The following TMEFF1 variants were observed in gnomAD, a reference collection of about 807,000 sequenced individuals.
The protein encoded by TMEFF1 is transmembrane protein with EGF like and two follistatin like domains 1.
TMEFF1 carries 20 observed loss-of-function variants against 47.5 expected under a neutral mutation model. The ratio of observed to expected loss-of-function variants is 0.42; its 90% CI spans 0.30 to 0.61. TMEFF1 has a LOEUF of 0.61. TMEFF1 is among the 20% of genes least tolerant of loss of function. The probability of loss-of-function intolerance (pLI) is 0.19; values close to 1 mark genes in which losing one functional copy is unlikely to be tolerated. For missense variants in TMEFF1, 411 were observed against 471.1 expected (o/e 0.87, Z 1.18); for synonymous variants, 162 against 166.3 (o/e 0.97, Z 0.20).
intron 5 of TMEFF1, among the ~76,000 whole-genome samples, chr9:100,527,719 C>G (rs36007324): frequency 3.3e-5 from 5 of 151,984 alleles, no homozygotes; most frequent in African/African-American, 9.7e-5. Context: ...CCGGGAAGCT[C>G]GAACTGGGTG....
intron 1 of TMEFF1, among the ~76,000 whole-genome samples, chr9:100,497,084 A>T (rs534754373): frequency 3.9e-5 from 6 of 152,122 alleles, no homozygotes; most frequent in Non-Finnish European, 8.8e-5. Flanking sequence ...GTGTGGGTAG[A>T]TAGGGGGAAA....
intron 1 of TMEFF1, among the ~76,000 whole-genome samples, chr9:100,488,460 A>G (rs1837490080): frequency 1.3e-5 from 2 of 152,240 alleles, no homozygotes; most frequent in Non-Finnish European, 2.9e-5. Context: ...AAGGATAAAG[A>G]CAATTAAAAT....
At chr9:100,571,332 T>C (rs570657849) in intron 8 of TMEFF1, among the ~76,000 whole-genome samples, 10 of 150,142 alleles carry the variant, frequency 6.7e-5, no homozygotes, top group Admixed American at 2.7e-4. Context: ...TTGTGAAAAA[T>C]TGAAAATAAC....
chr9:100,531,643 G>A (rs1027201461), intron 5 of TMEFF1, among the ~76,000 whole-genome samples: 19 of 151,960 alleles, frequency 1.3e-4, no homozygotes, highest in Admixed American at 4.6e-4. Flanking sequence ...AATCAATATC[G>A]TGAAAATGGC....
intron 5 of TMEFF1, among the ~76,000 whole-genome samples, chr9:100,539,708 T>G (rs1302031434): frequency 2.6e-5 from 4 of 152,114 alleles, no homozygotes; most frequent in Non-Finnish European, 5.9e-5. Flanking sequence ...AGAACAAAGC[T>G]TCCACAGCGT....
At chr9:100,548,046 T>C (rs542221927) in intron 6 of TMEFF1, among the ~76,000 whole-genome samples, 154 bp downstream of exon 6, 1 of 152,218 alleles carries the variant, frequency 6.6e-6, no homozygotes, top group African/African-American at 2.4e-5. Flanking sequence ...TTATTACTAA[T>C]TTAGTTTTTT....
At chr9:100,549,257 A>G (rs183004325) in intron 6 of TMEFF1, among the ~76,000 whole-genome samples, 4 of 152,288 alleles carry the variant, frequency 2.6e-5, no homozygotes, top group Non-Finnish European at 4.4e-5. Flanking sequence ...AAAAGGAGGA[A>G]GAGAGAACAA....
intron 1 of TMEFF1, among the ~76,000 whole-genome samples, chr9:100,481,431 G>A (rs1361560694): frequency 6.6e-6 from 1 of 152,152 alleles, no homozygotes; most frequent in Non-Finnish European, 1.5e-5. Flanking sequence ...TCTTAGGAAG[G>A]GTATTCTAGG....
chr9:100,498,705 A>G, intron 1 of TMEFF1, 60 bp from the exon 2 acceptor site: 1 of 1,520,690 alleles, frequency 6.6e-7, no homozygotes, highest in Non-Finnish European at 9.1e-7. Context: ...ACACGCGCAC[A>G]GACACACACA....
At chr9:100,492,607 G>A (rs1228534331) in intron 1 of TMEFF1, among the ~76,000 whole-genome samples, 7 of 152,186 alleles carry the variant, frequency 4.6e-5, no homozygotes, top group African/African-American at 7.2e-5. Context: ...AGTTCTAAGA[G>A]TGTTATTGAC....
intron 1 of TMEFF1, among the ~76,000 whole-genome samples, chr9:100,489,253 G>A (rs1008179693): frequency 2.0e-5 from 3 of 151,852 alleles, no homozygotes; most frequent in Non-Finnish European, 4.4e-5. Flanking sequence ...CTGTTCCCAG[G>A]CTGGAGTGTG....
At chr9:100,535,727 G>A (rs755665068) in intron 5 of TMEFF1, among the ~76,000 whole-genome samples, 2 of 152,240 alleles carry the variant, frequency 1.3e-5, no homozygotes, top group Non-Finnish European at 2.9e-5. Context: ...TTGTGCCACT[G>A]CACTCCAGCC....
At chr9:100,485,769 C>T (rs1266086336) in intron 1 of TMEFF1, among the ~76,000 whole-genome samples, 1 of 152,178 alleles carries the variant, frequency 6.6e-6, no homozygotes, top group Non-Finnish European at 1.5e-5. Flanking sequence ...GCTTGGCATA[C>T]TTCTCATGTA....
intron 6 of TMEFF1, among the ~76,000 whole-genome samples, chr9:100,548,172 TATC>T (rs1292947209): frequency 1.3e-5 from 2 of 152,160 alleles, no homozygotes; most frequent in Non-Finnish European, 2.9e-5. Context: ...ATAGTTCTAA[TATC>T]ATCTCAAATT....
At chr9:100,474,317 G>A (rs948972866) in intron 1 of TMEFF1, among the ~76,000 whole-genome samples, 1 of 152,026 alleles carries the variant, frequency 6.6e-6, no homozygotes, top group Non-Finnish European at 1.5e-5. Flanking sequence ...GCGATGCAGA[G>A]TGACTGTGTG....
intron 1 of TMEFF1, among the ~76,000 whole-genome samples, chr9:100,485,802 C>T (rs1378146092): frequency 6.6e-6 from 1 of 152,148 alleles, no homozygotes; most frequent in Non-Finnish European, 1.5e-5. Context: ...ATACTTAAAT[C>T]TGAAAATTCT....
chr9:100,566,496 T>A (rs1839127734), intron 8 of TMEFF1, among the ~76,000 whole-genome samples: 1 of 152,156 alleles, frequency 6.6e-6, no homozygotes, highest in South Asian at 2.1e-4. Flanking sequence ...AAACACCCTC[T>A]GATGTATCTC....
chr9:100,543,281 T>A (rs1838668300), intron 5 of TMEFF1, among the ~76,000 whole-genome samples: 1 of 152,208 alleles, frequency 6.6e-6, no homozygotes. Flanking sequence ...TGTGGTCTGG[T>A]TAATTTCCTC....
intron 2 of TMEFF1, 57 bp downstream of exon 2, chr9:100,498,931 A>G: frequency 6.4e-7 from 1 of 1,550,996 alleles, no homozygotes. Flanking sequence ...TTATAATTCT[A>G]AATTCTTCAA....
Sources: allele counts gnomAD v4.1 joint callset (sites outside exome capture counted in the v4.1 genomes callset), GRCh38; gene constraint gnomAD v4.1.1; transcripts MANE v1.5; gene names NCBI Gene and HGNC (gene_info 2026-07-23, HGNC 2026-07-21).